Variants in UBE4B observed in about 807,000 individuals in gnomAD.
The protein encoded by UBE4B is ubiquitination factor E4B.
Under a neutral mutation model 148.1 loss-of-function variants are expected in UBE4B, and 27 were observed. That is an observed-to-expected ratio of 0.18 (90% confidence interval 0.13 to 0.25). UBE4B has a LOEUF of 0.25. UBE4B is among the 10% of genes least tolerant of loss of function. The pLI, the probability that UBE4B is intolerant of heterozygous loss-of-function variation, is 1.00. For missense variants in UBE4B, 1,170 were observed against 1,662.4 expected (o/e 0.70, Z 5.15); for synonymous variants, 596 against 619.3 (o/e 0.96, Z 0.56).
rs761189613 is a variant in UBE4B, at chr1:10,106,293, G to A, written c.906G>A (p.Gln302=). The A allele has an allele frequency of 1.2e-6, 2 of 1,614,158 alleles. No individual in the cohort carries two copies. The highest frequency in any genetic ancestry group is 1.7e-6 in the Non-Finnish European group (2 of 1,180,016). Residue 302 remains glutamine (Q), a synonymous_variant, in exon 7 of 28, where the codon CAG becomes CAA. Coordinates refer to ENST00000343090, the MANE Select transcript of UBE4B (RefSeq NM_001105562.3). The surrounding 1 kb of genome is among the most constrained non-coding windows in gnomAD (Gnocchi z 4.2). ...SLASPSRAAS[Q]LAVPSTPLSP... is the part of the protein sequence containing the mutation. ...CCTCACCTTCCCGTGCAGCCAGCCA[G>A]TTGGCTGTGCCTTCCACTCCCCTCA...
chr1:10,090,234 C>T (rs536026488), intron 2 of UBE4B, among the ~76,000 whole-genome samples: 156 of 152,240 alleles, frequency 1.0e-3, no homozygotes, highest in African/African-American at 3.1e-3. Flanking sequence ...ACCCACCCCC[C>T]TCAGCTTCCT....
chr1:10,034,592 A>AC (rs1423504481), intron 1 of UBE4B, among the ~76,000 whole-genome samples: 2 of 152,046 alleles, frequency 1.3e-5, no homozygotes, highest in African/African-American at 4.8e-5. Flanking sequence ...CAGGACCCCT[A>AC]CTGGCCATAC....
chr1:10,055,275 TTTC>T (rs1274375141), intron 1 of UBE4B, among the ~76,000 whole-genome samples: 2 of 151,348 alleles, frequency 1.3e-5, no homozygotes, highest in Admixed American at 6.6e-5. Flanking sequence ...TTCATCATTT[TTTC>T]TTTTCTTTTC....
rs1646495799 is a variant in UBE4B, at chr1:10,180,980, A to C, written c.*1024A>C. ...GGAGTATGTCTGCCGGTTTCAACAC[A>C]CACAGACAAACACAGCCACACGCGC... On this transcript the variant is annotated 3_prime_UTR_variant, in exon 28 of 28. Transcript: ENST00000343090. 6.6e-6 allele frequency: 1 copy of C among 152,428 alleles called. No homozygotes were observed. The highest frequency in any genetic ancestry group is 1.5e-5 in the Non-Finnish European group (1 of 68,006). The allele number at this position is 152,428 out of a possible 1,614,324, so 9.4% of individuals were successfully genotyped here. A position where few individuals can be genotyped will look rare whatever the true frequency, so the allele number is the denominator to read the frequency against.
intron 7 of UBE4B, among the ~76,000 whole-genome samples, chr1:10,110,997 C>G (rs1645207900): frequency 1.3e-5 from 2 of 150,528 alleles, no homozygotes; most frequent in South Asian, 2.1e-4. Flanking sequence ...CCCTGTCCCT[C>G]TCTTCTCTCT....
At chr1:10,085,941 C>G (rs183448697) in intron 2 of UBE4B, among the ~76,000 whole-genome samples, 33 of 152,176 alleles carry the variant, frequency 2.2e-4, no homozygotes, top group African/African-American at 7.5e-4. Context: ...AGGCACCCAC[C>G]ACCACGCCCA....
intron 17 of UBE4B, among the ~76,000 whole-genome samples, chr1:10,143,316 C>A (rs563815239): frequency 1.3e-5 from 2 of 152,190 alleles, no homozygotes; most frequent in African/African-American, 4.8e-5. Flanking sequence ...GCAGGAGAAT[C>A]GCTTCAACCC....
chr1:10,095,393 G>C, intron 2 of UBE4B, 68 bp from the exon 3 acceptor site: 1 of 1,587,006 alleles, frequency 6.3e-7, no homozygotes, highest in Non-Finnish European at 8.6e-7. Context: ...CGTGTTTACT[G>C]TCGCTATTAC....
Position 10,132,362 on chromosome 1 carries a change from AT to A in UBE4B, c.1912-4del. 1 of 1,603,018 alleles carries A rather than the reference AT, an allele frequency of 6.2e-7. No homozygotes were observed. The highest frequency in any genetic ancestry group is 8.5e-7 in the Non-Finnish European group (1 of 1,175,560). ...ATTTGTTTCTTCTTTTTAAAAATAA[AT>A]TTCAGCAAGAGCTTTTTAAGATTCT... On this transcript the variant is annotated splice_polypyrimidine_tract_variant and splice_region_variant and intron_variant, in intron 14 of 27. Coordinates refer to ENST00000343090, the MANE Select transcript of UBE4B (RefSeq NM_001105562.3).
At chr1:10,121,616 A>G (rs971968295) in intron 9 of UBE4B, among the ~76,000 whole-genome samples, 1 of 151,624 alleles carries the variant, frequency 6.6e-6, no homozygotes, top group African/African-American at 2.4e-5. Flanking sequence ...CTGGTCTTCA[A>G]CTCTGGGCCT....
intron 11 of UBE4B, chr1:10,128,260 T>C (rs995960020): frequency 1.3e-5 from 2 of 152,254 alleles, no homozygotes; most frequent in Non-Finnish European, 2.9e-5. Context: ...ATCACCAAAA[T>C]GTCCTTTTGT....
chr1:10,041,455 C>T (rs997571878), intron 1 of UBE4B, among the ~76,000 whole-genome samples: 6 of 151,682 alleles, frequency 4.0e-5, no homozygotes, highest in Non-Finnish European at 7.4e-5. Context: ...CTGCCTAAGC[C>T]TCCCAAGTAG....
chr1:10,082,459 C>T (rs1340892243), intron 2 of UBE4B, among the ~76,000 whole-genome samples: 1 of 151,948 alleles, frequency 6.6e-6, no homozygotes, highest in African/African-American at 2.4e-5. Context: ...CGAAATTGTG[C>T]CATGCACTCC....
At chr1:10,107,067 T>C (rs1645124896) in intron 7 of UBE4B, among the ~76,000 whole-genome samples, 1 of 152,164 alleles carries the variant, frequency 6.6e-6, no homozygotes, top group Non-Finnish European at 1.5e-5. Context: ...TGTACCTGTA[T>C]GTGTTTCTAT....
intron 1 of UBE4B, among the ~76,000 whole-genome samples, chr1:10,035,769 G>A (rs1234678871): frequency 6.8e-6 from 1 of 147,820 alleles, no homozygotes; most frequent in African/African-American, 2.5e-5. Context: ...TTGAGACGGA[G>A]CCTCGCTCTG....
intron 10 of UBE4B, among the ~76,000 whole-genome samples, chr1:10,125,824 C>T (rs957641704): frequency 2.6e-5 from 4 of 152,176 alleles, no homozygotes; most frequent in African/African-American, 7.2e-5. Flanking sequence ...GTGCCAATAG[C>T]AGGTTAATGT....
intron 26 of UBE4B, 136 bp downstream of exon 26, chr1:10,178,954 T>C: frequency 1.1e-6 from 1 of 923,340 alleles, no homozygotes; most frequent in Non-Finnish European, 1.5e-6. Flanking sequence ...TGTCTTAAAT[T>C]ACATTTGCCT....
chr1:10,073,059 T>A (rs1169330421), intron 2 of UBE4B: 2 of 152,398 alleles, frequency 1.3e-5, no homozygotes, highest in African/African-American at 4.8e-5. Context: ...TATAAATGTT[T>A]ATACCTAATG....
In UBE4B at chr1:10,072,066, G is replaced by A. The variant is rs761207145; in HGVS notation, c.63G>A (p.Gln21=). The change falls in exon 2 of 28, where the codon CAG becomes CAA. Residue 21 remains glutamine (Q), a synonymous_variant. Coordinates refer to ENST00000343090, the MANE Select transcript of UBE4B (RefSeq NM_001105562.3). ...RRRLARLAGG[Q]TSQPTTPLTS... ...GCCTTGCACGACTTGCTGGTGGACA[G>A]ACCTCTCAGCCAACCACCCCACTCA... The A allele has an allele frequency of 1.7e-5, 27 of 1,610,654 alleles. No homozygotes were observed. Among genetic ancestry groups the A allele is most frequent in the Non-Finnish European group, 2.2e-5 (26 of 1,178,828 alleles).
Sources: gnomAD v4.1 joint callset for allele counts (sites outside exome capture counted in the v4.1 genomes callset) on GRCh38, gnomAD v4.1.1 for gene constraint, Gnocchi (gnomAD v3.1) non-coding constraint, MANE v1.5 for transcripts, NCBI Gene and HGNC (gene_info 2026-07-23, HGNC 2026-07-21) for gene names.